KCNJ6: variants seen among roughly 807,000 people sequenced by gnomAD.
KCNJ6 encodes the protein potassium inwardly rectifying channel subfamily J member 6, also known as G protein-activated inward rectifier potassium channel 2.
Under a neutral mutation model 34.2 loss-of-function variants are expected in KCNJ6, and 9 were observed. The ratio of observed to expected loss-of-function variants is 0.26; its 90% confidence interval spans 0.16 to 0.46. The LOEUF is 0.46. KCNJ6 is among the 20% of genes least tolerant of loss of function. KCNJ6 has a pLI of 1.00. For synonymous variants in KCNJ6, 196 were observed against 207.1 expected (o/e 0.95, Z 0.46); for missense variants, 236 against 531.3 (o/e 0.44, Z 5.46).
chr21:37,815,035 T>G (rs1273038992), intron 2 of KCNJ6, among the ~76,000 whole-genome samples: 1 of 152,070 alleles, frequency 6.6e-6, no homozygotes, highest in African/African-American at 2.4e-5. Context: ...ACATCGCATG[T>G]TCTCACTTAT....
chr21:37,637,143 C>T (rs549248517), intron 3 of KCNJ6, among the ~76,000 whole-genome samples: 1 of 152,254 alleles, frequency 6.6e-6, no homozygotes, highest in South Asian at 2.1e-4. Context: ...GGTCGCTTTT[C>T]ATGTGGGAGA....
intron 1 of KCNJ6, among the ~76,000 whole-genome samples, chr21:37,871,791 T>C (rs974963124): frequency 2.0e-5 from 3 of 152,164 alleles, no homozygotes; most frequent in African/African-American, 7.2e-5. Flanking sequence ...TGTGGTTTAT[T>C]TCCCATTCAC....
rs577347704 is a variant in KCNJ6, at chr21:37,778,683, C to T, written c.25+61975G>A. Among the ~76,000 whole-genome samples the T allele has an allele frequency of 4.2e-5, 6 of 142,504 alleles. No individual in the cohort carries two copies. The South Asian group carries it at 6.9e-4, about 16-fold the overall frequency. 93.5% of individuals were successfully genotyped at this position (142,504 alleles called of 152,430 possible). ...CCCTTCCCACTACATTGTGTGTATC[C>T]GTGTGCTGTGTGCGTGTGTGTGTGT... On this transcript the variant is annotated intron_variant, in intron 2 of 3. Transcript: ENST00000609713.
intron 3 of KCNJ6, among the ~76,000 whole-genome samples, chr21:37,704,660 GTCATCATCA>G (rs56195622): frequency 6.6e-6 from 1 of 150,474 alleles, no homozygotes; most frequent in East Asian, 2.0e-4. Flanking sequence ...ATGAGTCGTC[GTCATCATCA>G]TCATCATCAT....
At chr21:37,684,255 G>A (rs932062420) in intron 3 of KCNJ6, among the ~76,000 whole-genome samples, 4 of 152,066 alleles carry the variant, frequency 2.6e-5, no homozygotes, top group Admixed American at 2.6e-4. Context: ...AGTTGCTGGC[G>A]ATCTTTGGCT....
At chr21:37,758,846 G>A (rs1042680794) in intron 2 of KCNJ6, among the ~76,000 whole-genome samples, 3 of 152,106 alleles carry the variant, frequency 2.0e-5, no homozygotes, top group African/African-American at 7.2e-5. Flanking sequence ...TCCCAGGCTG[G>A]TCTTGAACTC....
At chr21:37,662,255 C>A (rs1057340254) in intron 3 of KCNJ6, among the ~76,000 whole-genome samples, 1 of 152,148 alleles carries the variant, frequency 6.6e-6, no homozygotes, top group African/African-American at 2.4e-5. Context: ...TCTCCCTCCC[C>A]ATCCCCATCC....
chr21:37,914,194 G>T (rs995042631), intron 1 of KCNJ6, among the ~76,000 whole-genome samples: 7 of 152,128 alleles, frequency 4.6e-5, no homozygotes, highest in African/African-American at 1.7e-4. Flanking sequence ...TGGATGATTT[G>T]CAAGCTTCTT....
At chr21:37,912,570 A>G (rs940817479) in intron 1 of KCNJ6, among the ~76,000 whole-genome samples, 2 of 152,218 alleles carry the variant, frequency 1.3e-5, no homozygotes, top group Non-Finnish European at 2.9e-5. Flanking sequence ...AGATGGAACA[A>G]GGCCAAGGAA....
chr21:37,866,849 G>A (rs1002378613), intron 1 of KCNJ6, among the ~76,000 whole-genome samples: 1 of 152,176 alleles, frequency 6.6e-6, no homozygotes, highest in Non-Finnish European at 1.5e-5. Flanking sequence ...GAAGATTACT[G>A]GATGTCTTCA....
chr21:37,741,502 G>C (rs1422278002), intron 2 of KCNJ6, among the ~76,000 whole-genome samples: 1 of 152,110 alleles, frequency 6.6e-6, no homozygotes, highest in African/African-American at 2.4e-5. Context: ...GCTCTGTCTG[G>C]TTTCCTCCCT....
At chr21:37,723,958 A>G (rs555237919) in intron 2 of KCNJ6, among the ~76,000 whole-genome samples, 27 of 152,286 alleles carry the variant, frequency 1.8e-4, no homozygotes, top group Admixed American at 7.2e-4. Context: ...AAAAGCAAGA[A>G]CAGCATGTGT....
At chr21:37,841,094 G>T (rs962960058) in intron 1 of KCNJ6, among the ~76,000 whole-genome samples, 8 of 151,646 alleles carry the variant, frequency 5.3e-5, no homozygotes, top group African/African-American at 1.9e-4. Context: ...TGATATTTTT[G>T]TAGTCATTTG....
chr21:37,818,605 C>T (rs1428210438), intron 2 of KCNJ6, among the ~76,000 whole-genome samples: 9 of 152,160 alleles, frequency 5.9e-5, no homozygotes, highest in Non-Finnish European at 1.0e-4. Flanking sequence ...ATAATTTCTC[C>T]ATAACGATAA....
At chr21:37,655,211 GTGTGTGTGTGTGTGAGAGAGA>G (rs2054453685) in intron 3 of KCNJ6, among the ~76,000 whole-genome samples, 3 of 58,896 alleles carry the variant, frequency 5.1e-5, no homozygotes, top group African/African-American at 1.5e-4. Flanking sequence ...GTGTGTGTGT[GTGTGTGTGTGTGTGAGAGAGA>G]GAGAGAGAGA....
intron 1 of KCNJ6, among the ~76,000 whole-genome samples, chr21:37,867,336 T>A (rs993512167): frequency 6.6e-6 from 1 of 152,086 alleles, no homozygotes; most frequent in African/African-American, 2.4e-5. Flanking sequence ...ATCTGTCCAG[T>A]GAGGAGAGCT....
intron 2 of KCNJ6, among the ~76,000 whole-genome samples, chr21:37,804,304 A>G (rs2055283236): frequency 6.6e-6 from 1 of 152,196 alleles, no homozygotes; most frequent in African/African-American, 2.4e-5. Context: ...ACATTGAATT[A>G]CCACATGACC....
Position 37,723,470 on chromosome 21 carries a change from G to GT in KCNJ6, c.26-8340dup, listed in dbSNP as rs1260954223. ...TTCTACCAAGAAGATACATGCATTT[G>GT]TATGTTCATCGCAGCATTATTCACA... On this transcript the variant is annotated intron_variant, in intron 2 of 3. Transcript: ENST00000609713. Among the ~76,000 whole-genome samples, 15 of 152,292 alleles carry GT rather than the reference G, an allele frequency of 9.8e-5. No homozygotes were observed. In the East Asian group the frequency reaches 2.9e-3, roughly 29 times the overall value.
chr21:37,859,534 A>T (rs868646495), intron 1 of KCNJ6, among the ~76,000 whole-genome samples: 19 of 92,314 alleles, frequency 2.1e-4, no homozygotes, highest in South Asian at 1.3e-3. Flanking sequence ...TATATATAAA[A>T]TACTTAAAAA....
Sources: allele counts gnomAD v4.1 joint callset (sites outside exome capture counted in the v4.1 genomes callset), GRCh38; gene constraint gnomAD v4.1.1; transcripts MANE v1.5; gene names NCBI Gene and HGNC (gene_info 2026-07-23, HGNC 2026-07-21).